Variants in CNTRL observed in about 807,000 individuals in gnomAD.
CNTRL encodes the protein 110 kDa centrosomal protein.
A neutral mutation model predicts 303.7 loss-of-function variants in CNTRL; 233 were observed. The observed-to-expected ratio is 0.77, with a 90% CI of 0.69 to 0.86. The LOEUF (loss-of-function observed/expected upper bound fraction) is 0.86. Ranked by LOEUF, CNTRL falls within the 40% of genes least tolerant of loss-of-function variation. The pLI is 0.00. For missense variants in CNTRL, 2,524 were observed against 2,650.6 expected (o/e 0.95, Z 1.05); for synonymous variants, 900 against 922.2 (o/e 0.98, Z 0.44).
At chr9:121,118,641 T>C in intron 12 of CNTRL, 101 bp downstream of exon 12, 7 of 980,230 alleles carry the variant, frequency 7.1e-6, no homozygotes, top group Non-Finnish European at 1.0e-5. Context: ...TCTGTTTTAG[T>C]TTGATGTACA....
chr9:121,093,424 G>A (rs915168179), intron 4 of CNTRL, among the ~76,000 whole-genome samples: 1 of 152,126 alleles, frequency 6.6e-6, no homozygotes, highest in African/African-American at 2.4e-5. Context: ...TGGATTTTTT[G>A]ATTTGTGTTG....
Position 121,171,481 on chromosome 9 carries a change from A to T in CNTRL, c.6350A>T (p.Glu2117Val). ...GAACTGGTAGCCCAGGACAACCATGAGCGGGCCAGGCGCCTGATGAAGGAG... is the reference window on the plus strand; with the variant it reads ...GAACTGGTAGCCCAGGACAACCATGTGCGGGCCAGGCGCCTGATGAAGGAG... ...TIELVAQDNH[E>V]RARRLMKELN... The change falls in exon 40 of 44, where the codon GAG becomes GTG. Residue 2117 changes from glutamate to valine, a missense_variant. Physicochemically the swap from Glu to Val is moderately radical, Grantham distance 121. Coordinates refer to ENST00000373855, the MANE Select transcript of CNTRL (RefSeq NM_007018.6). The T allele has an allele frequency of 1.2e-6, 2 of 1,614,142 alleles. No homozygotes were observed. The highest frequency in any genetic ancestry group is 1.7e-6 in the Non-Finnish European group (2 of 1,179,984).
chr9:121,132,246 C>T (rs939095376), intron 14 of CNTRL, among the ~76,000 whole-genome samples: 2 of 152,242 alleles, frequency 1.3e-5, no homozygotes, highest in African/African-American at 4.8e-5. Flanking sequence ...GTTCCATTCT[C>T]CCTGTCACTT....
chr9:121,088,268 T>A, intron 2 of CNTRL, 28 bp from the exon 3 acceptor site: 1 of 1,041,218 alleles, frequency 9.6e-7, no homozygotes, highest in Non-Finnish European at 1.5e-6. Flanking sequence ...AAAATTAATC[T>A]TGTTGAATAT....
Position 121,105,903 on chromosome 9 carries a change from TAATA to T in CNTRL, c.809-1895_809-1892del, listed in dbSNP as rs1225520534. On this transcript the variant is annotated intron_variant, in intron 7 of 43. Coordinates refer to ENST00000373855, the MANE Select transcript of CNTRL (RefSeq NM_007018.6). ...TTCCCATAATGTCTCTTGTAGTACT[TAATA>T]AATCATTTTTTTAAAAAGATCAAAA... 7.2e-5 allele frequency among the ~76,000 whole-genome samples: 11 copies of T among 152,110 alleles called. No homozygotes were observed. In the South Asian group the frequency reaches 1.2e-3, roughly 17 times the overall value.
Position 121,173,523 on chromosome 9 carries a change from C to T in CNTRL, c.6684+14C>T, listed in dbSNP as rs773983292. The T allele has an allele frequency of 1.9e-6, 3 of 1,611,800 alleles. No individual in the cohort carries two copies. Among genetic ancestry groups the T allele is most frequent in the Admixed American group, 3.4e-5 (2 of 59,686 alleles). The stretch of plus-strand genomic sequence containing the variant: ...GTTCACATAATGGTAAGGGTTTATC[C>T]TGCTATTCTCTGGGTTCGTAGGATT... On this transcript the variant is annotated intron_variant, in intron 41 of 43. Transcript: ENST00000373855.
chr9:121,173,151 T>C, intron 40 of CNTRL, 92 bp from the exon 41 acceptor site: 3 of 1,147,552 alleles, frequency 2.6e-6, no homozygotes, highest in Admixed American at 2.4e-5. Flanking sequence ...TTGATATTTA[T>C]AGATCTTTAA....
intron 4 of CNTRL, among the ~76,000 whole-genome samples, chr9:121,093,719 C>T (rs555487714): frequency 1.8e-4 from 28 of 152,242 alleles, no homozygotes; most frequent in South Asian, 1.0e-3. Flanking sequence ...ATCTAGTTCA[C>T]GCCATATTCC....
Position 121,098,433 on chromosome 9 carries a change from G to A in CNTRL, c.669G>A (p.Leu223=). Residue 223 remains leucine (L), a synonymous_variant, in exon 7 of 44, where the codon CTG becomes CTA. Coordinates refer to ENST00000373855, the MANE Select transcript of CNTRL (RefSeq NM_007018.6). ...KLKPLQDLIS[L]ILVENPVVTL... ...AACCGCTTCAAGATTTGATTTCTCT[G>A]ATCCTAGTTGAAAATCCAGTTGTGA... 1.9e-6 allele frequency: 3 copies of A among 1,613,486 alleles called. No homozygotes were observed. The highest frequency in any genetic ancestry group is 2.5e-6 in the Non-Finnish European group (3 of 1,179,582).
At position 121,107,887 on chromosome 9, in the gene CNTRL, G is replaced by C. The variant is rs1156617790; in HGVS notation, c.894G>C (p.Glu298Asp). The change falls in exon 8 of 44, where the codon GAG becomes GAC. Residue 298 changes from glutamate (E) to aspartate (D), a missense_variant. By Grantham distance (45) the Glu-to-Asp change is conservative. Transcript: ENST00000373855. ...ELKSKQTRFL[E>D]EIKNQDKLNK... ...AGAGCAAACAAACAAGGTTCCTTGAGGAAATTAAAAATCAAGATAAATTGA... is the reference window on the plus strand; with the variant it reads ...AGAGCAAACAAACAAGGTTCCTTGACGAAATTAAAAATCAAGATAAATTGA... 8 of 1,609,948 alleles carry C rather than the reference G, an allele frequency of 5.0e-6. No individual in the cohort carries two copies. The highest frequency in any genetic ancestry group is 6.8e-6 in the Non-Finnish European group (8 of 1,178,264).
chr9:121,150,268 C>G lies in CNTRL; in HGVS notation c.3748C>G (p.Leu1250Val). 1 of 1,614,182 alleles carries G rather than the reference C, an allele frequency of 6.2e-7. No individual in the cohort carries two copies. Among genetic ancestry groups the G allele is most frequent in the Admixed American group, 1.7e-5 (1 of 60,026 alleles). The change falls in exon 25 of 44, where the codon CTT (leucine) becomes GTT (valine). Residue 1250 changes from leucine (L) to valine (V), a missense_variant. Physicochemically the swap from Leu to Val is conservative, Grantham distance 32. Coordinates refer to ENST00000373855, the MANE Select transcript of CNTRL (RefSeq NM_007018.6). ...TCCTGGATACATGATGTATACTGTGCTTCCTGATGGTTCTCCTGTACCCCA... is the reference window on the plus strand; with the variant it reads ...TCCTGGATACATGATGTATACTGTGGTTCCTGATGGTTCTCCTGTACCCCA... ...PPPGYMMYTV[L>V]PDGSPVPQGM... is the part of the protein sequence containing the mutation.
chr9:121,077,171 A>G (rs1384744175), intron 1 of CNTRL, among the ~76,000 whole-genome samples: 1 of 152,076 alleles, frequency 6.6e-6, no homozygotes, highest in Non-Finnish European at 1.5e-5. Context: ...TGTCATTCCA[A>G]TGGCTTTCTC....
chr9:121,103,341 G>A (rs537148547), intron 7 of CNTRL, among the ~76,000 whole-genome samples: 1 of 152,312 alleles, frequency 6.6e-6, no homozygotes, highest in East Asian at 1.9e-4. Flanking sequence ...AAACTGGCTA[G>A]CCATATGTAG....
chr9:121,167,599 G>C lies in CNTRL; in HGVS notation c.5766G>C (p.Glu1922Asp). Reference sequence around the variant, plus strand: ...GGTTTGAAGACTGTCAGAAAGAAGAGGAGACAAAACAACAACAACTTCAAG... The same window carrying C: ...GGTTTGAAGACTGTCAGAAAGAAGACGAGACAAAACAACAACAACTTCAAG... ...ANRFEDCQKE[E>D]ETKQQQLQVL... The change falls in exon 37 of 44, where the codon GAG becomes GAC. Residue 1922 changes from glutamate (E) to aspartate (D), a missense_variant. Glu to Asp is a conservative substitution (Grantham distance 45). Coordinates refer to ENST00000373855, the MANE Select transcript of CNTRL (RefSeq NM_007018.6). The C allele has an allele frequency of 6.2e-7, 1 of 1,614,092 alleles. No homozygotes were observed. The highest frequency in any genetic ancestry group is 8.5e-7 in the Non-Finnish European group (1 of 1,179,986).
At chr9:121,089,846 T>A (rs1313528455) in intron 3 of CNTRL, among the ~76,000 whole-genome samples, 2 of 152,134 alleles carry the variant, frequency 1.3e-5, no homozygotes, top group African/African-American at 2.4e-5. Flanking sequence ...TAGTAAGTGA[T>A]GATATTAATA....
chr9:121,083,823 T>C (rs1159146673), intron 2 of CNTRL, among the ~76,000 whole-genome samples: 2 of 152,220 alleles, frequency 1.3e-5, no homozygotes, highest in African/African-American at 2.4e-5. Context: ...CATTATGACA[T>C]ATATGATGTT....
chr9:121,139,255 A>G (rs148474798), intron 16 of CNTRL, among the ~76,000 whole-genome samples: 2 of 152,322 alleles, frequency 1.3e-5, no homozygotes, highest in East Asian at 3.9e-4. Flanking sequence ...GATTTTTCAG[A>G]TAATTAAACT....
rs2050080603 is a variant in CNTRL, at chr9:121,118,468, T to G, written c.1578T>G (p.Ile526Met). 9 of 1,612,964 alleles carry G rather than the reference T, an allele frequency of 5.6e-6. No homozygotes were observed. Among genetic ancestry groups the G allele is most frequent in the Non-Finnish European group, 6.8e-6 (8 of 1,179,306 alleles). Reference sequence around the variant, plus strand: ...AGATGGAAAAGCAAAAGCAGGAAATTGCCGGAAAGCAGAAGGAGATTAAGG... The same window carrying G: ...AGATGGAAAAGCAAAAGCAGGAAATGGCCGGAAAGCAGAAGGAGATTAAGG... ...ELQMEKQKQE[I>M]AGKQKEIKDL... The change falls in exon 12 of 44, where the codon ATT becomes ATG. Residue 526 changes from isoleucine (I) to methionine (M), a missense_variant. Ile to Met is a conservative substitution (Grantham distance 10). Coordinates refer to ENST00000373855, the MANE Select transcript of CNTRL (RefSeq NM_007018.6).
At chr9:121,163,067 C>T (rs958239246) in intron 34 of CNTRL, among the ~76,000 whole-genome samples, 12 of 151,530 alleles carry the variant, frequency 7.9e-5, no homozygotes, top group African/African-American at 1.5e-4. Flanking sequence ...AGGCCAGGCA[C>T]GTTGGCTCAT....
Sources: gnomAD v4.1 joint callset for allele counts (sites outside exome capture counted in the v4.1 genomes callset) on GRCh38, gnomAD v4.1.1 for gene constraint, MANE v1.5 for transcripts, NCBI Gene and HGNC (gene_info 2026-07-23, HGNC 2026-07-21) for gene names.